The following NALCN variants were observed in gnomAD, a reference collection of about 807,000 sequenced individuals.
NALCN encodes the protein sodium leak channel NALCN.
In NALCN, 111 loss-of-function variants were observed where a neutral mutation model predicts 225.3. The observed-to-expected ratio is 0.49, with a 90% CI of 0.42 to 0.58. NALCN has a LOEUF of 0.58. Ranked by LOEUF, NALCN falls within the 20% of genes least tolerant of loss-of-function variation. The pLI is 0.00. For missense variants in NALCN, 1,378 were observed against 2,202.4 expected, an observed-to-expected ratio of 0.63 and a Z score of 7.49; for synonymous variants, 764 against 769.0, an observed-to-expected ratio of 0.99 and a Z score of 0.11.
At chr13:101,291,934 G>C in intron 9 of NALCN, 56 bp downstream of exon 9, 1 of 1,539,814 alleles carries the variant, frequency 6.5e-7, no homozygotes. Context: ...CTGATGGTGA[G>C]GGTGAGACAT....
chr13:101,180,769 A>T (rs1294393643), intron 14 of NALCN: 1 of 288,624 alleles, frequency 3.5e-6, no homozygotes, highest in Non-Finnish European at 6.8e-6. Flanking sequence ...GTCAAAACAC[A>T]CCTGTGTGGG....
rs1347366389 is a variant in NALCN, at chr13:101,360,146, T to C, written c.645-14726A>G. On this transcript the variant is annotated intron_variant, in intron 6 of 43. Coordinates refer to ENST00000251127, the MANE Select transcript of NALCN (RefSeq NM_052867.4). ...CTTTCTTTTTTCTTTCTTTCTCTCTTTTTTTCTTTCTTTCTTTCTCTTTCT... is the reference window on the plus strand; with the variant it reads ...CTTTCTTTTTTCTTTCTTTCTCTCTCTTTTTCTTTCTTTCTTTCTCTTTCT... 2.1e-4 allele frequency among the ~76,000 whole-genome samples: 30 copies of C among 141,944 alleles called. 1 individual carries two copies. Among genetic ancestry groups the C allele is most frequent in the African/African-American group, 9.2e-4 (30 of 32,464 alleles). 93.1% of individuals were successfully genotyped at this position (141,944 alleles called of 152,430 possible). A position where few individuals can be genotyped will look rare whatever the true frequency, so the allele number is the denominator to read the frequency against.
chr13:101,180,045 A>T (rs1191716086), intron 14 of NALCN, among the ~76,000 whole-genome samples: 1 of 152,026 alleles, frequency 6.6e-6, no homozygotes, highest in Non-Finnish European at 1.5e-5. Flanking sequence ...CTTAGGGCCC[A>T]CCCAGATAAT....
At position 101,142,458 on chromosome 13, in the gene NALCN, T is replaced by A. The variant is rs554855953; in HGVS notation, c.2118+622A>T. ...CACACAGCCCTTATATTATTTTTTT[T>A]AAAAGTGAATAAATGAAAAAGTACA... On this transcript the variant is annotated intron_variant, in intron 17 of 43. Transcript: ENST00000251127. Among the ~76,000 whole-genome samples the A allele has an allele frequency of 7.9e-5, 12 of 152,160 alleles. No homozygotes were observed. The South Asian group carries it at 1.7e-3, about 21-fold the overall frequency.
At position 101,094,129 on chromosome 13, in the gene NALCN, G is replaced by A. The variant is rs116734448; in HGVS notation, c.3269+1445C>T. On this transcript the variant is annotated intron_variant, in intron 28 of 43. Transcript: ENST00000251127. ...GTCTGGCTCCTGGAAACACACCTAC[G>A]GACCCTTTGGAGGGGGGTACCCTTT... Among the ~76,000 whole-genome samples the A allele has an allele frequency of 5.8e-3, 889 of 152,298 alleles. 10 individuals are homozygous for A. Among genetic ancestry groups the A allele is most frequent in the African/African-American group, 0.019 (787 of 41,552 alleles).
At chr13:101,317,670 C>T (rs1381060822) in intron 7 of NALCN, among the ~76,000 whole-genome samples, 1 of 152,156 alleles carries the variant, frequency 6.6e-6, no homozygotes, top group East Asian at 1.9e-4. Flanking sequence ...GTTTCTCAAA[C>T]ATGGACGCCC....
intron 13 of NALCN, among the ~76,000 whole-genome samples, chr13:101,196,949 T>C (rs2039915685): frequency 6.6e-6 from 1 of 152,160 alleles, no homozygotes; most frequent in African/African-American, 2.4e-5. Context: ...TGTTTTTGTC[T>C]CTTCATATTT....
rs777596399 is a variant in NALCN, at chr13:101,059,865, T to C, written c.4858A>G (p.Ser1620Gly). The C allele has an allele frequency of 6.2e-7, 1 of 1,614,010 alleles. No individual in the cohort carries two copies. Among genetic ancestry groups the C allele is most frequent in the Non-Finnish European group, 8.5e-7 (1 of 1,180,032 alleles). Residue 1620 changes from serine (S) to glycine (G), a missense_variant, in exon 42 of 44, where the codon AGT becomes GGT. Ser to Gly is a moderately conservative substitution (Grantham distance 56). Coordinates refer to ENST00000251127, the MANE Select transcript of NALCN (RefSeq NM_052867.4). ...TGACTGTTGGCATTCGTGTCCTCACTGGGCTGGGTGGTCTCGATGCTGGGC... is the reference window on the plus strand; with the variant it reads ...TGACTGTTGGCATTCGTGTCCTCACCGGGCTGGGTGGTCTCGATGCTGGGC... ...NPPSIETTQP[S>G]EDTNANSQDN...
chr13:101,070,063 G>GTTTT lies in NALCN; in HGVS notation c.4198-1240_4198-1237dup, dbSNP rs71121162. Among the ~76,000 whole-genome samples the GTTTT allele has an allele frequency of 1.1e-3, 104 of 98,276 alleles. 9 individuals are homozygous for GTTTT. The highest frequency in any genetic ancestry group is 3.0e-3 in the South Asian group (8 of 2,658). The allele number at this position is 98,276 out of a possible 152,430, so 64.5% of individuals were successfully genotyped here. A position where few individuals can be genotyped will look rare whatever the true frequency, so the allele number is the denominator to read the frequency against. ...TGACCTCCTTCCATGAATCATGAAT[G>GTTTT]TTTTTTTTTTTTTTTTTTTTTGAGA... On this transcript the variant is annotated intron_variant, in intron 37 of 43. Transcript: ENST00000251127.
In NALCN at chr13:101,396,071, GC is replaced by G. The variant is rs567076876; in HGVS notation, c.109-707del. 3.9e-5 allele frequency among the ~76,000 whole-genome samples: 6 copies of G among 151,914 alleles called. No homozygotes were observed. In the South Asian group the frequency reaches 1.2e-3, roughly 32 times the overall value. The stretch of plus-strand genomic sequence containing the variant: ...GGAGAACACATTTTATACAAATTTA[GC>G]CCAGACATCTTTCAAAATTCCACAA... On this transcript the variant is annotated intron_variant, in intron 2 of 43. Coordinates refer to ENST00000251127, the MANE Select transcript of NALCN (RefSeq NM_052867.4).
chr13:101,244,843 C>G (rs1435878763), intron 11 of NALCN, among the ~76,000 whole-genome samples: 2 of 152,190 alleles, frequency 1.3e-5, no homozygotes, highest in South Asian at 2.1e-4. Flanking sequence ...GCAGTGGAGG[C>G]AAGCTCTAGT....
intron 28 of NALCN, among the ~76,000 whole-genome samples, chr13:101,094,794 T>C (rs1287577668): frequency 6.6e-6 from 1 of 152,236 alleles, no homozygotes; most frequent in Non-Finnish European, 1.5e-5. Flanking sequence ...GGTGAAATGC[T>C]GTTCCTTTTA....
At chr13:101,331,021 A>G (rs2045149623) in intron 7 of NALCN, among the ~76,000 whole-genome samples, 1 of 152,200 alleles carries the variant, frequency 6.6e-6, no homozygotes, top group Non-Finnish European at 1.5e-5. Context: ...TAGCAGCATG[A>G]GAACACATTA....
At chr13:101,062,690 G>A (rs528592018) in intron 40 of NALCN, among the ~76,000 whole-genome samples, 3 of 152,202 alleles carry the variant, frequency 2.0e-5, no homozygotes, top group East Asian at 3.9e-4. Context: ...TGCAACCTCC[G>A]CCTCCTGGGT....
intron 13 of NALCN, among the ~76,000 whole-genome samples, chr13:101,196,174 C>A (rs1423754723): frequency 6.6e-6 from 1 of 152,042 alleles, no homozygotes; most frequent in Non-Finnish European, 1.5e-5. Context: ...TTTTTTAATA[C>A]AATCTTTGGT....
At chr13:101,266,452 A>T (rs1443384926) in intron 10 of NALCN, among the ~76,000 whole-genome samples, 3 of 152,368 alleles carry the variant, frequency 2.0e-5, no homozygotes, top group African/African-American at 7.2e-5. Flanking sequence ...ACAGTAACTT[A>T]AAGATTCTGA....
rs983625059 is a variant in NALCN at position 101,218,549 on chromosome 13, G to A, written c.1626+10844C>T. ...ATCTGTGTCCCCACCCAAATCTCAT[G>A]TTCAATTGTAATCCCCAATATTGGA... On this transcript the variant is annotated intron_variant, in intron 13 of 43. Transcript: ENST00000251127. 2.0e-5 allele frequency among the ~76,000 whole-genome samples: 3 copies of A among 152,036 alleles called. No homozygotes were observed. In the South Asian group the frequency reaches 6.2e-4, roughly 32 times the overall value.
At chr13:101,328,436 C>T (rs944483496) in intron 7 of NALCN, among the ~76,000 whole-genome samples, 1 of 152,056 alleles carries the variant, frequency 6.6e-6, no homozygotes, top group African/African-American at 2.4e-5. Context: ...CTCAGCCTCC[C>T]AAGTAGCTGG....
At chr13:101,168,008 G>A (rs1033404308) in intron 15 of NALCN, among the ~76,000 whole-genome samples, 15 of 152,126 alleles carry the variant, frequency 9.9e-5, no homozygotes, top group African/African-American at 3.6e-4. Context: ...TACTGTAAAT[G>A]GGATTGCTTT....
Sources: allele counts gnomAD v4.1 joint callset (sites outside exome capture counted in the v4.1 genomes callset), GRCh38; gene constraint gnomAD v4.1.1; transcripts MANE v1.5; gene names NCBI Gene and HGNC (gene_info 2026-07-23, HGNC 2026-07-21).